Variants in THSD4 observed in about 807,000 individuals in gnomAD.
THSD4 encodes the protein thrombospondin type 1 domain containing 4.
A neutral mutation model predicts 119.0 loss-of-function variants in THSD4; 69 were observed. The ratio of observed to expected loss-of-function variants is 0.58; its 90% CI spans 0.48 to 0.71. THSD4 has a LOEUF of 0.71. THSD4 is among the 30% of genes least tolerant of loss of function. The pLI, the probability that THSD4 is intolerant of heterozygous loss-of-function variation, is 0.00. For missense variants in THSD4, 1,393 were observed against 1,391.1 expected (o/e 1.00, Z -0.02); for synonymous variants, 524 against 540.4 (o/e 0.97, Z 0.42).
chr15:71,229,380 A>G (rs572666096), intron 4 of THSD4, among the ~76,000 whole-genome samples: 1 of 152,336 alleles, frequency 6.6e-6, no homozygotes, highest in East Asian at 1.9e-4. Flanking sequence ...TATTGATTCC[A>G]GGACTCCCCT....
intron 7 of THSD4, among the ~76,000 whole-genome samples, chr15:71,512,735 C>A (rs910460491): frequency 6.8e-6 from 1 of 148,074 alleles, no homozygotes; most frequent in African/African-American, 2.4e-5. Context: ...AATTCTTTTC[C>A]TTTTTTTTCT....
chr15:71,771,491 A>G (rs1434120637), intron 17 of THSD4, among the ~76,000 whole-genome samples: 1 of 152,184 alleles, frequency 6.6e-6, no homozygotes, highest in Non-Finnish European at 1.5e-5. Context: ...CCTTAAGGTC[A>G]AAGTAGTAAA....
intron 6 of THSD4, among the ~76,000 whole-genome samples, chr15:71,375,865 A>G (rs1422262895): frequency 6.6e-6 from 1 of 152,180 alleles, no homozygotes; most frequent in African/African-American, 2.4e-5. Context: ...GACCCTGGCA[A>G]TCTGGGTTTT....
chr15:71,660,641 C>G lies in THSD4; in HGVS notation c.1264C>G (p.Leu422Val). 6.2e-7 allele frequency: 1 copy of G among 1,614,108 alleles called. No homozygotes were observed. Among genetic ancestry groups the G allele is most frequent in the Non-Finnish European group, 8.5e-7 (1 of 1,180,018 alleles). The change falls in exon 8 of 18, where the codon CTC becomes GTC. Residue 422 changes from leucine to valine, a missense_variant. Physicochemically the swap from Leu to Val is conservative, Grantham distance 32 (BLOSUM62 1). Transcript: ENST00000261862. The part of the protein sequence containing the change: ...QVVSGVFKHA[L>V]TSLGYHRVVE... ...TGTGTCGGGCGTGTTTAAGCATGCC[C>G]TCACCAGCCTGGGCTACCACCGCGT...
intron 6 of THSD4, among the ~76,000 whole-genome samples, chr15:71,383,817 T>C (rs2046258219): frequency 6.6e-6 from 1 of 152,138 alleles, no homozygotes; most frequent in Non-Finnish European, 1.5e-5. Flanking sequence ...ATTCACATTG[T>C]GTTAGGTATT....
rs373103575 is a variant in THSD4, at chr15:71,468,900, T to C, written c.1152+57077T>C. Among the ~76,000 whole-genome samples, 4 of 152,334 alleles carry C rather than the reference T, an allele frequency of 2.6e-5. No homozygotes were observed. In the East Asian group the frequency reaches 7.7e-4, roughly 29 times the overall value. On this transcript the variant is annotated intron_variant, in intron 7 of 17. Coordinates refer to ENST00000261862, the MANE Select transcript of THSD4 (RefSeq NM_024817.3). The stretch of plus-strand genomic sequence containing the variant: ...GCACACTACTTCTGCTCCCATCCTA[T>C]TTGCCAGAACTTAGTCACATGACCA...
chr15:71,307,101 TG>T (rs2045040745), intron 6 of THSD4, among the ~76,000 whole-genome samples: 1 of 152,164 alleles, frequency 6.6e-6, no homozygotes. Flanking sequence ...TCCTTGTTCT[TG>T]GGGATTCTTC....
At chr15:71,292,511 G>C (rs981035280) in intron 6 of THSD4, among the ~76,000 whole-genome samples, 13 of 151,706 alleles carry the variant, frequency 8.6e-5, no homozygotes, top group Non-Finnish European at 1.8e-4. Flanking sequence ...GTATTTGCTC[G>C]ACTGTCTTCT....
chr15:71,261,743 G>A (rs921175412), intron 6 of THSD4, among the ~76,000 whole-genome samples: 24 of 152,308 alleles, frequency 1.6e-4, no homozygotes, highest in Admixed American at 4.6e-4. Flanking sequence ...GGAAGCCACT[G>A]AGATGTTGAA....
At chr15:71,215,790 G>A (rs997386122) in intron 4 of THSD4, among the ~76,000 whole-genome samples, 9 of 152,220 alleles carry the variant, frequency 5.9e-5, no homozygotes, top group African/African-American at 1.7e-4. Flanking sequence ...GAAGAAGTGT[G>A]TCTAACCGGA....
intron 6 of THSD4, among the ~76,000 whole-genome samples, chr15:71,373,038 C>T (rs990871601): frequency 6.6e-6 from 1 of 152,178 alleles, no homozygotes; most frequent in African/African-American, 2.4e-5. Context: ...CTTGCAACAA[C>T]CTCCTTTCAG....
At chr15:71,246,456 C>T (rs2044202220) in intron 5 of THSD4, among the ~76,000 whole-genome samples, 1 of 152,134 alleles carries the variant, frequency 6.6e-6, no homozygotes, top group Admixed American at 6.5e-5. Context: ...AGTGACAAAA[C>T]GAGATTGCCA....
intron 7 of THSD4, among the ~76,000 whole-genome samples, chr15:71,527,969 G>A (rs569936796): frequency 6.6e-6 from 1 of 152,162 alleles, no homozygotes; most frequent in East Asian, 1.9e-4. Flanking sequence ...TCCTGTCTCA[G>A]CCTTCCAAGA....
At chr15:71,165,328 GCTT>G (rs750875019) in intron 3 of THSD4, 231 of 1,577,528 alleles carry the variant, frequency 1.5e-4, no homozygotes, top group African/African-American at 4.0e-4. Context: ...GCATCTGGGT[GCTT>G]CTTCTTATGC....
chr15:71,604,617 G>T (rs987654608), intron 7 of THSD4, among the ~76,000 whole-genome samples: 6 of 152,198 alleles, frequency 3.9e-5, no homozygotes, highest in African/African-American at 1.4e-4. Flanking sequence ...GGTGAAATGT[G>T]TATTATCTAT....
intron 6 of THSD4, among the ~76,000 whole-genome samples, chr15:71,354,380 A>G (rs2045782148): frequency 6.6e-6 from 1 of 152,192 alleles, no homozygotes; most frequent in African/African-American, 2.4e-5. Flanking sequence ...TGTCCAGAAG[A>G]GAGAGTGTTA....
intron 16 of THSD4, among the ~76,000 whole-genome samples, chr15:71,768,638 C>T (rs1012213305): frequency 2.7e-5 from 4 of 146,662 alleles, no homozygotes; most frequent in African/African-American, 1.0e-4. Context: ...CATCTCGGCT[C>T]ACTGCAACCT....
At position 71,473,056 on chromosome 15, in the gene THSD4, C is replaced by CTT. The variant is rs35085059; in HGVS notation, c.1152+61250_1152+61251dup. The stretch of plus-strand genomic sequence containing the variant: ...TTTTTGACTGTATTACTGTATTTGG[C>CTT]TTTTTTTTTTTTTTTTTTGAGACAA... On this transcript the variant is annotated intron_variant, in intron 7 of 17. Transcript: ENST00000261862. Among the ~76,000 whole-genome samples, 321 of 129,284 alleles carry CTT rather than the reference C, an allele frequency of 2.5e-3. 2 individuals carry two copies. The highest frequency in any genetic ancestry group is 4.2e-3 in the East Asian group (19 of 4,570). The allele number at this position is 129,284 out of a possible 152,430, so 84.8% of individuals were successfully genotyped here. A position where few individuals can be genotyped will look rare whatever the true frequency, so the allele number is the denominator to read the frequency against.
intron 7 of THSD4, among the ~76,000 whole-genome samples, chr15:71,625,496 A>T (rs1036550096): frequency 5.3e-5 from 8 of 152,126 alleles, no homozygotes; most frequent in Non-Finnish European, 1.0e-4. Context: ...CTGCACTCAA[A>T]TAAAAGAGAA....
Sources: allele counts gnomAD v4.1 joint callset (sites outside exome capture counted in the v4.1 genomes callset), GRCh38; gene constraint gnomAD v4.1.1; transcripts MANE v1.5; gene names NCBI Gene and HGNC (gene_info 2026-07-23, HGNC 2026-07-21).